The following TEX11 variants were observed in gnomAD, a reference collection of about 807,000 sequenced individuals.
TEX11 encodes testis-expressed protein 11.
A neutral mutation model predicts 84.4 loss-of-function variants in TEX11; 7 were observed. The ratio of observed to expected loss-of-function variants is 0.08; its 90% confidence interval spans 0.05 to 0.16. The LOEUF (loss-of-function observed/expected upper bound fraction) is 0.16, where lower values mean the gene tolerates loss of function less well. Ranked by LOEUF, TEX11 falls within the 10% of genes least tolerant of loss-of-function variation. The probability of loss-of-function intolerance (pLI) is 1.00; values close to 1 mark genes in which losing one functional copy is unlikely to be tolerated. For missense variants in TEX11, 551 were observed against 660.5 expected (o/e 0.83, Z 1.82); for synonymous variants, 264 against 222.8 (o/e 1.18, Z -1.64).
intron 2 of TEX11, 71 bp downstream of exon 2, chrX:70,907,682 G>A (rs937707295): frequency 1.3e-5 from 11 of 859,803 alleles, no homozygotes; most frequent in South Asian, 6.3e-5. Flanking sequence ...GTGAGCCACC[G>A]CGCCCAGCAA....
intron 11 of TEX11, among the ~76,000 whole-genome samples, chrX:70,738,091 T>C (rs1268672940): frequency 2.2e-4 from 25 of 111,604 alleles, no homozygotes; most frequent in Admixed American, 1.8e-3. Flanking sequence ...AAAGCCAAAA[T>C]TGACAAATGG....
chrX:70,639,286 T>C (rs1417460167), intron 17 of TEX11, among the ~76,000 whole-genome samples: 1 of 111,783 alleles, frequency 8.9e-6, no homozygotes, highest in Non-Finnish European at 1.9e-5. Flanking sequence ...GGAGTCTCGC[T>C]GATTGCTAGC....
chrX:70,633,791 G>A (rs1420090702), intron 17 of TEX11, among the ~76,000 whole-genome samples: 2 of 111,089 alleles, frequency 1.8e-5, no homozygotes, highest in Non-Finnish European at 3.8e-5. Context: ...GGTGGTGCAT[G>A]CCTGTAATCC....
At chrX:70,799,268 G>A (rs1332739330) in intron 9 of TEX11, among the ~76,000 whole-genome samples, 1 of 111,755 alleles carries the variant, frequency 8.9e-6, no homozygotes, top group East Asian at 2.8e-4. Flanking sequence ...GGAAAAATGG[G>A]TGCCTTTTAC....
intron 9 of TEX11, among the ~76,000 whole-genome samples, chrX:70,759,422 G>C (rs935951741): frequency 5.4e-5 from 6 of 111,444 alleles, no homozygotes; most frequent in African/African-American, 2.0e-4. Flanking sequence ...TATCAATCAG[G>C]ACCAAGTCAG....
intron 9 of TEX11, among the ~76,000 whole-genome samples, chrX:70,746,283 G>A (rs913297460): frequency 3.6e-5 from 4 of 111,137 alleles, no homozygotes; most frequent in African/African-American, 1.3e-4. Context: ...TCAGGCCTGT[G>A]TCATGGAAGT....
chrX:70,773,893 C>G (rs12557911), intron 9 of TEX11, among the ~76,000 whole-genome samples: 8,311 of 111,061 alleles, frequency 0.075, 496 homozygotes, highest in Admixed American at 0.28. Flanking sequence ...CCAAGATTGG[C>G]TGCGAGCTGA....
At chrX:70,872,215 A>G (rs2091633360) in intron 4 of TEX11, among the ~76,000 whole-genome samples, 1 of 111,985 alleles carries the variant, frequency 8.9e-6, no homozygotes, top group African/African-American at 3.2e-5. Context: ...TTACCTCCCC[A>G]TAACTACAGG....
At chrX:70,522,022 C>G in the TEX11 span, among the ~76,000 whole-genome samples, 1 of 111,117 alleles carries the variant, frequency 9.0e-6, no homozygotes, top group Non-Finnish European at 1.9e-5. Context: ...CAACACCTGG[C>G]TAAGTTTTGT....
In TEX11 at chrX:70,603,727, C is replaced by T. The variant is rs754591603; in HGVS notation, c.2067+1674G>A. On this transcript the variant is annotated intron_variant, in intron 24 of 29. Coordinates refer to ENST00000374333, the MANE Select transcript of TEX11 (RefSeq NM_031276.3). ...GGGATCTAATTAAACTAAAGAGCTT[C>T]TGCACAGCAAAAGAAACTACCATCA... 3.1e-4 allele frequency among the ~76,000 whole-genome samples: 34 copies of T among 111,006 alleles called. No individual in the cohort carries two copies. The East Asian group carries it at 9.0e-3, about 30-fold the overall frequency.
intron 16 of TEX11, among the ~76,000 whole-genome samples, chrX:70,658,326 A>T: frequency 1.8e-5 from 2 of 111,289 alleles, no homozygotes; most frequent in Non-Finnish European, 3.8e-5. Context: ...CTGAGGGAGG[A>T]GAATTGCTTG....
chrX:70,630,219 G>A (rs1284700709), intron 17 of TEX11, among the ~76,000 whole-genome samples: 1 of 108,666 alleles, frequency 9.2e-6, no homozygotes, highest in Non-Finnish European at 1.9e-5. Context: ...GGCTGAGGCA[G>A]GAGAATGGCG....
chrX:70,866,971 GA>G (rs1334878643), intron 4 of TEX11, among the ~76,000 whole-genome samples: 2 of 111,998 alleles, frequency 1.8e-5, no homozygotes, highest in African/African-American at 6.5e-5. Context: ...ACAAGACAAG[GA>G]TGCCCTCTCT....
chrX:70,706,958 A>T (rs2090382797), intron 13 of TEX11, among the ~76,000 whole-genome samples: 1 of 111,420 alleles, frequency 9.0e-6, no homozygotes, highest in East Asian at 2.8e-4. Flanking sequence ...AGTATCAAGG[A>T]ATTTAATAAA....
chrX:70,784,689 A>G (rs765882139), intron 9 of TEX11, among the ~76,000 whole-genome samples: 4 of 111,345 alleles, frequency 3.6e-5, no homozygotes, highest in Non-Finnish European at 7.5e-5. Flanking sequence ...ACCAAGTACA[A>G]ACAGAGAGCC....
chrX:70,811,914 T>C (rs1195792760), intron 8 of TEX11, among the ~76,000 whole-genome samples: 1 of 112,225 alleles, frequency 8.9e-6, no homozygotes, highest in Non-Finnish European at 1.9e-5. Flanking sequence ...TCTTTGTAGA[T>C]TCTGGGTATT....
chrX:70,826,692 G>A (rs1383493083), intron 8 of TEX11, among the ~76,000 whole-genome samples: 1 of 111,599 alleles, frequency 9.0e-6, no homozygotes, highest in African/African-American at 3.3e-5. Context: ...TTCAGCCAGC[G>A]CTTGTGCACA....
intron 2 of TEX11, among the ~76,000 whole-genome samples, chrX:70,886,306 T>G (rs1330983979): frequency 8.9e-6 from 1 of 112,017 alleles, no homozygotes; most frequent in Non-Finnish European, 1.9e-5. Context: ...TGGATGAACC[T>G]TGAGGACATT....
intron 15 of TEX11, 50 bp from the exon 16 acceptor site, chrX:70,670,564 C>T (rs1221443736): frequency 5.3e-6 from 6 of 1,142,848 alleles, no homozygotes; most frequent in Non-Finnish European, 6.9e-6. Flanking sequence ...GCTACCCTAT[C>T]TTTCCCAAGT....
Sources: allele counts gnomAD v4.1 joint callset (sites outside exome capture counted in the v4.1 genomes callset), GRCh38; gene constraint gnomAD v4.1.1; transcripts MANE v1.5; gene names NCBI Gene and HGNC (gene_info 2026-07-23, HGNC 2026-07-21).